The following CNTN3 variants were observed in gnomAD, a reference collection of about 807,000 sequenced individuals.
CNTN3 encodes contactin-3.
Under a neutral mutation model 119.1 loss-of-function variants are expected in CNTN3, and 60 were observed. The ratio of observed to expected loss-of-function variants is 0.50; its 90% CI spans 0.41 to 0.62. The LOEUF (loss-of-function observed/expected upper bound fraction) is 0.62, where lower values mean the gene tolerates loss of function less well. Ranked by LOEUF, CNTN3 falls within the 20% of genes least tolerant of loss-of-function variation. The pLI, the probability that CNTN3 is intolerant of heterozygous loss-of-function variation, is 0.00. For synonymous variants in CNTN3, 450 were observed against 438.7 expected (o/e 1.03, Z -0.32); for missense variants, 1,101 against 1,242.4 (o/e 0.89, Z 1.71).
At chr3:74,373,867 C>A (rs986312937) in intron 5 of CNTN3, among the ~76,000 whole-genome samples, 1 of 152,124 alleles carries the variant, frequency 6.6e-6, no homozygotes, top group Non-Finnish European at 1.5e-5. Flanking sequence ...TTTAAGGCTG[C>A]TCCCAAAATG....
At chr3:74,460,224 C>T (rs4677398) in intron 4 of CNTN3, among the ~76,000 whole-genome samples, 80,004 of 151,736 alleles carry the variant, frequency 0.53, 21,404 homozygotes, top group Non-Finnish European at 0.55. Context: ...TTTGTTGAGA[C>T]TGCTTTACCT....
chr3:74,404,106 C>T (rs1006705893), intron 5 of CNTN3, among the ~76,000 whole-genome samples: 1 of 152,044 alleles, frequency 6.6e-6, no homozygotes, highest in Non-Finnish European at 1.5e-5. Context: ...TTTTTGATAG[C>T]ACCCTCTCCC....
At chr3:74,566,176 C>T (rs907057507) in intron 1 of CNTN3, among the ~76,000 whole-genome samples, 2 of 151,998 alleles carry the variant, frequency 1.3e-5, no homozygotes, top group South Asian at 2.1e-4. Flanking sequence ...CTGGCAGGAA[C>T]GGGTACAATT....
chr3:74,474,355 T>C (rs1040638025), intron 4 of CNTN3, among the ~76,000 whole-genome samples: 1 of 152,126 alleles, frequency 6.6e-6, no homozygotes, highest in Admixed American at 6.6e-5. Flanking sequence ...ATCAAAATTA[T>C]GGTTTGAAAA....
rs1261206694 is a variant in CNTN3, at chr3:74,295,009, AT to A, written c.2517+111del. On this transcript the variant is annotated intron_variant, in intron 19 of 22. Coordinates refer to ENST00000263665, the MANE Select transcript of CNTN3 (RefSeq NM_020872.3). ...GATGAAACAATGTGTTGATAAAAAA[AT>A]TTCGGCCAAAGACAGACTTCAAATA... is the stretch of plus-strand genomic sequence containing the variant. 190 of 580,530 alleles carry A rather than the reference AT, an allele frequency of 3.3e-4. 1 individual carries two copies. In the East Asian group the frequency reaches 5.4e-3, roughly 17 times the overall value. The allele number at this position is 580,530 out of a possible 1,614,324, so 36.0% of individuals were successfully genotyped here. A position where few individuals can be genotyped will look rare whatever the true frequency, so the allele number is the denominator to read the frequency against.
At chr3:74,431,887 T>C (rs1333749677) in intron 4 of CNTN3, among the ~76,000 whole-genome samples, 3 of 152,202 alleles carry the variant, frequency 2.0e-5, no homozygotes, top group African/African-American at 4.8e-5. Flanking sequence ...ATCATTGTCA[T>C]TGAAAACTGG....
chr3:74,550,662 C>A (rs1160297362), intron 1 of CNTN3, among the ~76,000 whole-genome samples: 1 of 152,162 alleles, frequency 6.6e-6, no homozygotes, highest in East Asian at 1.9e-4. Context: ...TCTCAGCCTC[C>A]CAAGTAGCTG....
intron 5 of CNTN3, among the ~76,000 whole-genome samples, chr3:74,406,693 T>C (rs922185335): frequency 6.6e-6 from 1 of 152,142 alleles, no homozygotes; most frequent in Non-Finnish European, 1.5e-5. Context: ...ATCCAGATAC[T>C]TTACTTCTTT....
At chr3:74,345,878 A>G (rs573968090) in intron 11 of CNTN3, among the ~76,000 whole-genome samples, 161 of 152,342 alleles carry the variant, frequency 1.1e-3, no homozygotes, top group African/African-American at 3.8e-3. Flanking sequence ...TTGTAAACTA[A>G]CTTCATACAT....
At chr3:74,484,877 A>G (rs900043285) in intron 4 of CNTN3, among the ~76,000 whole-genome samples, 1 of 152,314 alleles carries the variant, frequency 6.6e-6, no homozygotes, top group South Asian at 2.1e-4. Flanking sequence ...GAATATGATG[A>G]CATTCCTTAA....
chr3:74,526,474 A>G (rs1329286767), intron 1 of CNTN3, among the ~76,000 whole-genome samples: 2 of 151,850 alleles, frequency 1.3e-5, no homozygotes, highest in South Asian at 2.1e-4. Flanking sequence ...TCACTCACTC[A>G]TTCACTCATC....
At chr3:74,471,446 T>G (rs533708823) in intron 4 of CNTN3, among the ~76,000 whole-genome samples, 2 of 152,226 alleles carry the variant, frequency 1.3e-5, no homozygotes, top group African/African-American at 4.8e-5. Context: ...TTAAAAATCA[T>G]GAACTCTATA....
At chr3:74,328,188 A>T (rs1703175242) in intron 13 of CNTN3, among the ~76,000 whole-genome samples, 1 of 152,060 alleles carries the variant, frequency 6.6e-6, no homozygotes, top group African/African-American at 2.4e-5. Context: ...ATATTTAGCA[A>T]ATTGATCTAC....
intron 13 of CNTN3, among the ~76,000 whole-genome samples, chr3:74,312,325 G>T (rs1038804701): frequency 6.6e-6 from 1 of 151,576 alleles, no homozygotes; most frequent in Non-Finnish European, 1.5e-5. Context: ...GCGTGGTGGC[G>T]GGTGCCTGTA....
At position 74,367,472 on chromosome 3, in the gene CNTN3, G is replaced by A. The variant is rs576091701; in HGVS notation, c.946+1717C>T. Among the ~76,000 whole-genome samples, 3 of 152,020 alleles carry A rather than the reference G, an allele frequency of 2.0e-5. No homozygotes were observed. The South Asian group carries it at 6.2e-4, about 32-fold the overall frequency. ...CTGTTCCAAAGTGAAGCACTTAATT[G>A]TCTAATCTAATTTCTCCTTGCCACT... On this transcript the variant is annotated intron_variant, in intron 8 of 22. Transcript: ENST00000263665.
chr3:74,339,169 T>G (rs529237976), intron 11 of CNTN3, among the ~76,000 whole-genome samples: 4 of 152,114 alleles, frequency 2.6e-5, no homozygotes, highest in Non-Finnish European at 5.9e-5. Flanking sequence ...AACTTAGACA[T>G]GTCAATCTGA....
chr3:74,495,122 A>C (rs1703036919), intron 3 of CNTN3, among the ~76,000 whole-genome samples: 1 of 151,936 alleles, frequency 6.6e-6, no homozygotes, highest in African/African-American at 2.4e-5. Flanking sequence ...GGGTGTGGGG[A>C]CCAGAGCTCA....
intron 13 of CNTN3, among the ~76,000 whole-genome samples, chr3:74,332,625 T>A (rs1250503783): frequency 6.6e-6 from 1 of 152,242 alleles, no homozygotes; most frequent in African/African-American, 2.4e-5. Context: ...TTGTAACTGT[T>A]TGATGCATAT....
At chr3:74,435,237 C>A (rs1337427041) in intron 4 of CNTN3, among the ~76,000 whole-genome samples, 5 of 152,122 alleles carry the variant, frequency 3.3e-5, no homozygotes, top group African/African-American at 1.2e-4. Context: ...TGCAGTGGCA[C>A]CATCTCAGCT....
Sources: gnomAD v4.1 joint callset for allele counts (sites outside exome capture counted in the v4.1 genomes callset) on GRCh38, gnomAD v4.1.1 for gene constraint, MANE v1.5 for transcripts, NCBI Gene and HGNC (gene_info 2026-07-23, HGNC 2026-07-21) for gene names.